Variants in ANK3 observed in about 807,000 individuals in gnomAD.
ANK3 encodes the protein ankyrin 3, also known as ankyrin-3.
Under a neutral mutation model 370.9 loss-of-function variants are expected in ANK3, and 57 were observed. That is an observed-to-expected ratio of 0.15 (90% CI 0.12 to 0.19). The LOEUF is 0.19. Among genes scored for constraint, ANK3 ranks in the 10% least tolerant of loss-of-function variants. ANK3 has a pLI of 1.00. For missense variants in ANK3, 4,439 were observed against 5,302.1 expected (o/e 0.84, Z 5.06); for synonymous variants, 1,929 against 1,946.3 (o/e 0.99, Z 0.23).
At chr10:60,431,654 G>C (rs2064026991) in intron 2 of ANK3, among the ~76,000 whole-genome samples, 1 of 152,132 alleles carries the variant, frequency 6.6e-6, no homozygotes, top group South Asian at 2.1e-4. Flanking sequence ...TTAGCTGGTG[G>C]GGGGGCTAGG....
Position 60,513,748 on chromosome 10 carries a change from G to A in ANK3, c.96+101438C>T, listed in dbSNP as rs2076147067. Among the ~76,000 whole-genome samples, 3 of 152,098 alleles carry A rather than the reference G, an allele frequency of 2.0e-5. No homozygotes were observed. The South Asian group carries it at 6.2e-4, about 32-fold the overall frequency. ...GCATAGCATATGGAAGGGGAAACAT[G>A]TTTAACAGACATTCTTATGCATAGC... On this transcript the variant is annotated intron_variant, in intron 2 of 43. Coordinates refer to the ANK3 transcript ENST00000373827.
chr10:60,108,653 C>T lies in ANK3; in HGVS notation c.3173+177G>A, dbSNP rs185150111. Among the ~76,000 whole-genome samples, 262 of 152,266 alleles carry T rather than the reference C, an allele frequency of 1.7e-3. 1 individual carries two copies. The highest frequency in any genetic ancestry group is 2.3e-3 in the South Asian group (11 of 4,822). On this transcript the variant is annotated intron_variant, in intron 27 of 43. Transcript: ENST00000280772. ...CTAGCAAACTGAGTTAAGAAAGTATCAGCCTATTAGCCTTTCACAGAATCA... is the reference window on the plus strand; with the variant it reads ...CTAGCAAACTGAGTTAAGAAAGTATTAGCCTATTAGCCTTTCACAGAATCA...
intron 1 of ANK3, among the ~76,000 whole-genome samples, chr10:60,664,161 CT>C (rs1362442839): frequency 6.6e-6 from 1 of 152,234 alleles, no homozygotes; most frequent in African/African-American, 2.4e-5. Flanking sequence ...AGCTTAAAAT[CT>C]GATCCAGCAC....
intron 8 of ANK3, among the ~76,000 whole-genome samples, chr10:60,222,059 C>A (rs941865030): frequency 6.6e-6 from 1 of 152,246 alleles, no homozygotes; most frequent in Non-Finnish European, 1.5e-5. Flanking sequence ...ACTCTTTCAA[C>A]TGTAGTTTTC....
At chr10:60,192,893 A>G (rs2096516692) in intron 16 of ANK3, among the ~76,000 whole-genome samples, 1 of 151,892 alleles carries the variant, frequency 6.6e-6, no homozygotes, top group South Asian at 2.1e-4. Flanking sequence ...AACATCAACA[A>G]CTGCCCTGTC....
At chr10:60,638,685 A>G (rs1418739545) in intron 1 of ANK3, among the ~76,000 whole-genome samples, 1 of 152,118 alleles carries the variant, frequency 6.6e-6, no homozygotes, top group Non-Finnish European at 1.5e-5. Flanking sequence ...AACTAAAAAA[A>G]ATATAAACAC....
intron 2 of ANK3, among the ~76,000 whole-genome samples, chr10:60,525,402 CAT>C (rs1312264083): frequency 6.6e-6 from 1 of 152,038 alleles, no homozygotes; most frequent in Non-Finnish European, 1.5e-5. Context: ...ATTTAATACA[CAT>C]GTTGTTTCAA....
intron 1 of ANK3, among the ~76,000 whole-genome samples, chr10:60,718,814 G>C (rs567613276): frequency 2.6e-5 from 4 of 152,100 alleles, no homozygotes; most frequent in Admixed American, 1.3e-4. Context: ...AGAAGCACTC[G>C]TAAGACCAAA....
intron 2 of ANK3, among the ~76,000 whole-genome samples, chr10:60,593,365 AT>A (rs1353463953): frequency 6.6e-6 from 1 of 152,162 alleles, no homozygotes; most frequent in African/African-American, 2.4e-5. Flanking sequence ...CTTATGTAAA[AT>A]GTTATCCATG....
intron 42 of ANK3, chr10:60,051,658 T>TTTC (rs1194015912): frequency 1.2e-5 from 5 of 433,176 alleles, no homozygotes; most frequent in South Asian, 1.0e-4. Context: ...TACTTGATGT[T>TTTC]TTCTTCTTTT....
At chr10:60,043,997 G>A in intron 42 of ANK3, 1 of 985,820 alleles carries the variant, frequency 1.0e-6, no homozygotes, top group Non-Finnish European at 1.2e-6. Flanking sequence ...GCAGATGCCA[G>A]CCTGTTAGCA....
At chr10:60,059,702 A>T in intron 40 of ANK3, 1 of 1,610,996 alleles carries the variant, frequency 6.2e-7, no homozygotes, top group Non-Finnish European at 8.5e-7. Context: ...ACTCACTCAG[A>T]CATACATTCT....
chr10:60,268,199 A>G (rs993677778), intron 5 of ANK3, among the ~76,000 whole-genome samples: 4 of 152,214 alleles, frequency 2.6e-5, no homozygotes, highest in African/African-American at 9.6e-5. Context: ...GATATCAACC[A>G]GTGGTTATTT....
intron 1 of ANK3, among the ~76,000 whole-genome samples, chr10:60,669,670 T>C (rs1490654213): frequency 6.6e-6 from 1 of 152,226 alleles, no homozygotes. Context: ...CAGTTTTCCA[T>C]GGCACCACAT....
intron 2 of ANK3, chr10:60,508,286 T>C (rs899160219): frequency 6.6e-6 from 1 of 152,516 alleles, no homozygotes; most frequent in African/African-American, 2.4e-5. Context: ...TTGGTAAAAA[T>C]TATTCTCCAG....
At chr10:60,151,296 G>A (rs551917479) in intron 23 of ANK3, among the ~76,000 whole-genome samples, 1 of 152,264 alleles carries the variant, frequency 6.6e-6, no homozygotes, top group South Asian at 2.1e-4. Flanking sequence ...CTAGTGGGAG[G>A]TGTTTGGGTC....
intron 17 of ANK3, among the ~76,000 whole-genome samples, chr10:60,183,873 A>G (rs1248094513): frequency 2.7e-5 from 4 of 150,310 alleles, no homozygotes; most frequent in Admixed American, 2.7e-4. Context: ...AAAAAAAAAA[A>G]GGTATTTATT....
intron 2 of ANK3, among the ~76,000 whole-genome samples, chr10:60,518,330 T>C (rs1033753091): frequency 6.6e-6 from 1 of 152,128 alleles, no homozygotes; most frequent in Non-Finnish European, 1.5e-5. Context: ...CAGTGACACG[T>C]AGCAGGCCTA....
At chr10:60,097,148 G>C (rs189831806) in intron 28 of ANK3, among the ~76,000 whole-genome samples, 221 of 152,310 alleles carry the variant, frequency 1.5e-3, no homozygotes, top group Non-Finnish European at 2.4e-3. Context: ...TGGTAAAATA[G>C]GTGTCTGAAG....
Sources: gnomAD v4.1 joint callset for allele counts (sites outside exome capture counted in the v4.1 genomes callset) on GRCh38, gnomAD v4.1.1 for gene constraint, MANE v1.5 for transcripts, NCBI Gene and HGNC (gene_info 2026-07-23, HGNC 2026-07-21) for gene names.